DERA: variants seen among roughly 807,000 people sequenced by gnomAD.
DERA encodes the protein 2-deoxy-D-ribose 5-phosphate aldolase.
In DERA, 15 loss-of-function variants were observed where a neutral mutation model predicts 41.1. That is an observed-to-expected ratio of 0.37 (90% CI 0.24 to 0.56). The LOEUF (loss-of-function observed/expected upper bound fraction) is 0.56, where lower values mean the gene tolerates loss of function less well. DERA is among the 20% of genes least tolerant of loss of function. The pLI is 0.81. For synonymous variants in DERA, 139 were observed against 137.4 expected, an observed-to-expected ratio of 1.01 and a Z score of -0.08; for missense variants, 396 against 403.4, an observed-to-expected ratio of 0.98 and a Z score of 0.16.
intron 6 of DERA, among the ~76,000 whole-genome samples, chr12:16,006,902 T>A (rs1359963794): frequency 6.6e-6 from 1 of 152,228 alleles, no homozygotes; most frequent in Non-Finnish European, 1.5e-5. Flanking sequence ...ATATGTCTTC[T>A]CCGTGTGTAC....
rs1416611519 is a variant in DERA, at chr12:15,915,080, G to T, written c.31+3666G>T. On this transcript the variant is annotated intron_variant, in intron 1 of 8. Transcript: ENST00000428559. This position sits in a 1 kb window ranked among gnomAD's most constrained non-coding sequence, Gnocchi z 4.8. Reference sequence around the variant, plus strand: ...TGGGTAGTATTACCCTAGGCTGGGGGTACAAGATAATCAGGGATGGTCACT... The same window carrying T: ...TGGGTAGTATTACCCTAGGCTGGGGTTACAAGATAATCAGGGATGGTCACT... Among the ~76,000 whole-genome samples, 3 of 152,178 alleles carry T rather than the reference G, an allele frequency of 2.0e-5. No homozygotes were observed. The highest frequency in any genetic ancestry group is 2.9e-5 in the Non-Finnish European group (2 of 68,038).
chr12:15,969,055 T>A (rs1948642862), intron 5 of DERA, among the ~76,000 whole-genome samples: 1 of 152,244 alleles, frequency 6.6e-6, no homozygotes, highest in Non-Finnish European at 1.5e-5. Context: ...TGTTTAGTGT[T>A]TTCATTTTCA....
rs1301035079 is a variant in DERA, at chr12:15,938,125, A to G, written c.32-18811A>G. 6.6e-6 allele frequency among the ~76,000 whole-genome samples: 1 copy of G among 152,142 alleles called. No individual in the cohort carries two copies. Among genetic ancestry groups the G allele is most frequent in the African/African-American group, 2.4e-5 (1 of 41,432 alleles). On this transcript the variant is annotated intron_variant, in intron 1 of 8. Coordinates refer to ENST00000428559, the MANE Select transcript of DERA (RefSeq NM_015954.4). This position sits in a 1 kb window ranked among gnomAD's most constrained non-coding sequence, Gnocchi z 4.1. ...TACTGACTTGGGTAAGAGTTGTAAT[A>G]TTGATCTGTTAAGGTTCAGTGGAGC...
Position 15,936,936 on chromosome 12 carries a change from TTGTCC to T in DERA, c.32-19994_32-19990del, listed in dbSNP as rs1267952746. On this transcript the variant is annotated intron_variant, in intron 1 of 8. Transcript: ENST00000428559. This position sits in a 1 kb window ranked among gnomAD's most constrained non-coding sequence, Gnocchi z 4.6. Reference sequence around the variant, plus strand: ...CTGTCCTGTCCTGTCCTGTCCTGTCTTGTCCTGTCCCGTCCTGTCCTGCCCTGCCC... The same window carrying T: ...CTGTCCTGTCCTGTCCTGTCCTGTCTTGTCCCGTCCTGTCCTGCCCTGCCC... Among the ~76,000 whole-genome samples, 2 of 117,782 alleles carry T rather than the reference TTGTCC, an allele frequency of 1.7e-5. No homozygotes were observed. Among genetic ancestry groups the T allele is most frequent in the African/African-American group, 8.1e-5 (2 of 24,798 alleles). 77.3% of individuals were successfully genotyped at this position (117,782 alleles called of 152,430 possible).
In DERA at chr12:15,936,105, T is replaced by C. The variant is rs995792609; in HGVS notation, c.32-20831T>C. Among the ~76,000 whole-genome samples the C allele has an allele frequency of 6.6e-6, 1 of 152,208 alleles. No individual in the cohort carries two copies. The highest frequency in any genetic ancestry group is 2.4e-5 in the African/African-American group (1 of 41,446). On this transcript the variant is annotated intron_variant, in intron 1 of 8. Coordinates refer to ENST00000428559, the MANE Select transcript of DERA (RefSeq NM_015954.4). The surrounding 1 kb of genome is among the most constrained non-coding windows in gnomAD (Gnocchi z 4.6). ...AGGCAAAAGCCACCATGTGTTTTCT[T>C]ACCAAATATTGAAGTCACACGTGGG...
At position 15,941,207 on chromosome 12, in the gene DERA, T is replaced by C. The variant is rs945422792; in HGVS notation, c.32-15729T>C. ...TCACCTAATCTACAGTAGCGGCTCA[T>C]TGACCTACTGACTGTGGGTGTTGTG... On this transcript the variant is annotated intron_variant, in intron 1 of 8. Transcript: ENST00000428559. The surrounding 1 kb of genome is among the most constrained non-coding windows in gnomAD (Gnocchi z 4.5). Among the ~76,000 whole-genome samples, 1 of 152,158 alleles carries C rather than the reference T, an allele frequency of 6.6e-6. No individual in the cohort carries two copies. The highest frequency in any genetic ancestry group is 1.5e-5 in the Non-Finnish European group (1 of 68,026).
Position 15,993,494 on chromosome 12 carries a change from T to TA in DERA, c.637+11058_637+11059insA, listed in dbSNP as rs1565608046. ...GGTGTTGTGGCCTTTTTTTTTTTTT[T>TA]TAAAAAAAATAAGATCTTGCCTTTC... On this transcript the variant is annotated intron_variant, in intron 6 of 8. Transcript: ENST00000428559. The surrounding 1 kb of genome is among the most constrained non-coding windows in gnomAD (Gnocchi z 4.4). 6.7e-5 allele frequency among the ~76,000 whole-genome samples: 10 copies of TA among 149,004 alleles called. No individual in the cohort carries two copies. The South Asian group carries it at 1.3e-3, about 19-fold the overall frequency.
rs191509504 is a variant in DERA at position 15,938,393 on chromosome 12, C to G, written c.32-18543C>G. On this transcript the variant is annotated intron_variant, in intron 1 of 8. Coordinates refer to ENST00000428559, the MANE Select transcript of DERA (RefSeq NM_015954.4). The surrounding 1 kb of genome is among the most constrained non-coding windows in gnomAD (Gnocchi z 4.1). ...AAACAGTAAAAAATTCATTCTAACA[C>G]TAAAATATACTCATGTACATCAAAG... Among the ~76,000 whole-genome samples, 1,071 of 152,220 alleles carry G rather than the reference C, an allele frequency of 7.0e-3. 19 individuals are homozygous for G. The highest frequency in any genetic ancestry group is 0.025 in the African/African-American group (1,031 of 41,536).
At chr12:16,015,690 C>T (rs1168864161) in intron 6 of DERA, among the ~76,000 whole-genome samples, 3 of 152,176 alleles carry the variant, frequency 2.0e-5, no homozygotes, top group Non-Finnish European at 4.4e-5. Context: ...TGACGGGTTA[C>T]ATCTTGTTGA....
chr12:15,916,650 A>G (rs11056709), intron 1 of DERA, among the ~76,000 whole-genome samples: 1 of 151,780 alleles, frequency 6.6e-6, no homozygotes, highest in Non-Finnish European at 1.5e-5. Context: ...GGGGTTTCAC[A>G]GTGTTGGCCA....
In DERA at chr12:15,940,348, T is replaced by G. The variant is rs1230896813; in HGVS notation, c.32-16588T>G. On this transcript the variant is annotated intron_variant, in intron 1 of 8. Transcript: ENST00000428559. This position sits in a 1 kb window ranked among gnomAD's most constrained non-coding sequence, Gnocchi z 5.1. ...CTACTGCTTTCCTTTTTTTATTTTA[T>G]TTTATTATTATTTTTTTATTTGAGA... Among the ~76,000 whole-genome samples, 1 of 152,126 alleles carries G rather than the reference T, an allele frequency of 6.6e-6. No homozygotes were observed. The highest frequency in any genetic ancestry group is 1.5e-5 in the Non-Finnish European group (1 of 68,026).
In DERA at chr12:15,958,229, T is replaced by A. The variant is rs376620788; in HGVS notation, c.171T>A (p.Thr57=). 9.4e-6 allele frequency: 15 copies of A among 1,590,436 alleles called. No individual in the cohort carries two copies. Among genetic ancestry groups the A allele is most frequent in the Non-Finnish European group, 1.1e-5 (13 of 1,167,376 alleles). ...LLKAVTFIDL[T]TLSGDDTSSN... is the part of the protein sequence containing the mutation. ...AAGCTGTTACCTTTATAGATCTTACTACACTTTCAGGTGATGATACATCTT... is the reference window on the plus strand; with the variant it reads ...AAGCTGTTACCTTTATAGATCTTACAACACTTTCAGGTGATGATACATCTT... The change falls in exon 3 of 9, where the codon ACT becomes ACA. Residue 57 remains threonine (T), a synonymous_variant. Coordinates refer to ENST00000428559, the MANE Select transcript of DERA (RefSeq NM_015954.4).
At chr12:15,978,221 C>A (rs968449231) in intron 5 of DERA, among the ~76,000 whole-genome samples, 1 of 152,170 alleles carries the variant, frequency 6.6e-6, no homozygotes, top group African/African-American at 2.4e-5. Context: ...CTGTCAAAGT[C>A]CTCAAAACGA....
chr12:16,023,552 A>G (rs1444132441), intron 6 of DERA, among the ~76,000 whole-genome samples: 4 of 132,788 alleles, frequency 3.0e-5, no homozygotes, highest in Non-Finnish European at 6.1e-5. Context: ...ATCTCGGCTC[A>G]CTGCAAGCTC....
At position 15,966,652 on chromosome 12, in the gene DERA, G is replaced by GGC. The variant is rs1350813212; in HGVS notation, c.508+3706_508+3707dup. ...CCTTCTGGTAATGCTTTGTTGTTGT[G>GGC]GCTTTGGTGCCTACATTCCTGAGGT... On this transcript the variant is annotated intron_variant, in intron 5 of 8. Transcript: ENST00000428559. The surrounding 1 kb of genome is among the most constrained non-coding windows in gnomAD (Gnocchi z 5.1). 6.6e-6 allele frequency among the ~76,000 whole-genome samples: 1 copy of GGC among 151,982 alleles called. No individual in the cohort carries two copies. Among genetic ancestry groups the GGC allele is most frequent in the Non-Finnish European group, 1.5e-5 (1 of 67,998 alleles).
rs1043181563 is a variant in DERA, at chr12:15,994,395, G to A, written c.637+11959G>A. On this transcript the variant is annotated intron_variant, in intron 6 of 8. Transcript: ENST00000428559. This position sits in a 1 kb window ranked among gnomAD's most constrained non-coding sequence, Gnocchi z 4.8. ...GTTATTCCTTTATCTGTAATTCCTAGCATATTAACTCTTGGTTATTTATTC... is the reference window on the plus strand; with the variant it reads ...GTTATTCCTTTATCTGTAATTCCTAACATATTAACTCTTGGTTATTTATTC... Among the ~76,000 whole-genome samples the A allele has an allele frequency of 2.6e-5, 4 of 152,168 alleles. No homozygotes were observed. Among genetic ancestry groups the A allele is most frequent in the Non-Finnish European group, 5.9e-5 (4 of 68,028 alleles).
At chr12:15,963,930 A>G (rs1038905958) in intron 5 of DERA, among the ~76,000 whole-genome samples, 1 of 152,154 alleles carries the variant, frequency 6.6e-6, no homozygotes, top group African/African-American at 2.4e-5. Flanking sequence ...TTGATTGTCA[A>G]TTATGAATTG....
chr12:16,010,569 C>T lies in DERA; in HGVS notation c.638-21973C>T, dbSNP rs954629438. Among the ~76,000 whole-genome samples, 4 of 151,430 alleles carry T rather than the reference C, an allele frequency of 2.6e-5. No individual in the cohort carries two copies. Among genetic ancestry groups the T allele is most frequent in the Admixed American group, 2.0e-4 (3 of 15,182 alleles). On this transcript the variant is annotated intron_variant, in intron 6 of 8. Transcript: ENST00000428559. This position sits in a 1 kb window ranked among gnomAD's most constrained non-coding sequence, Gnocchi z 5.5. ...AAAGGAATAAAGATAAAAATGAAGG[C>T]GTGACTAGTTGAAAAATAGAGACAG...
chr12:15,992,036 C>G lies in DERA; in HGVS notation c.637+9600C>G, dbSNP rs981446238. On this transcript the variant is annotated intron_variant, in intron 6 of 8. Coordinates refer to ENST00000428559, the MANE Select transcript of DERA (RefSeq NM_015954.4). The surrounding 1 kb of genome is among the most constrained non-coding windows in gnomAD (Gnocchi z 4.3). Reference sequence around the variant, plus strand: ...TTGCAAATACCAGTAGCATTTGTAACATAGTATCAGCATCAACTGTTTTAC... The same window carrying G: ...TTGCAAATACCAGTAGCATTTGTAAGATAGTATCAGCATCAACTGTTTTAC... 9.9e-5 allele frequency among the ~76,000 whole-genome samples: 15 copies of G among 151,350 alleles called. No homozygotes were observed. The highest frequency in any genetic ancestry group is 3.6e-4 in the African/African-American group (15 of 41,212).
Sources: gnomAD v4.1 joint callset for allele counts (sites outside exome capture counted in the v4.1 genomes callset) on GRCh38, gnomAD v4.1.1 for gene constraint, Gnocchi (gnomAD v3.1) non-coding constraint, MANE v1.5 for transcripts, NCBI Gene and HGNC (gene_info 2026-07-23, HGNC 2026-07-21) for gene names.